Variants in GPC6 observed in about 807,000 individuals in gnomAD.
The protein encoded by GPC6 is glypican-6.
Under a neutral mutation model 55.2 loss-of-function variants are expected in GPC6, and 14 were observed. That is an observed-to-expected ratio of 0.25 (90% confidence interval 0.17 to 0.40). The LOEUF is 0.40. Among genes scored for constraint, GPC6 ranks in the 10% least tolerant of loss-of-function variants. GPC6 has a pLI of 1.00. For synonymous variants in GPC6, 278 were observed against 259.6 expected, an observed-to-expected ratio of 1.07 and a Z score of -0.68; for missense variants, 641 against 708.5, an observed-to-expected ratio of 0.90 and a Z score of 1.08.
intron 3 of GPC6, among the ~76,000 whole-genome samples, chr13:93,988,541 G>T (rs576433103): frequency 6.6e-6 from 1 of 152,160 alleles, no homozygotes; most frequent in African/African-American, 2.4e-5. Flanking sequence ...CAAGATCAAG[G>T]TGCCAGCACA....
At chr13:93,948,076 T>G (rs1312212601) in intron 3 of GPC6, among the ~76,000 whole-genome samples, 2 of 152,176 alleles carry the variant, frequency 1.3e-5, no homozygotes, top group Non-Finnish European at 2.9e-5. Flanking sequence ...AAATTTAAAT[T>G]AAGAAACAAT....
intron 6 of GPC6, among the ~76,000 whole-genome samples, chr13:94,354,870 GTGA>G (rs918029451): frequency 1.3e-5 from 2 of 152,226 alleles, no homozygotes; most frequent in Non-Finnish European, 2.9e-5. Flanking sequence ...GGGGATGACG[GTGA>G]TGATGATCAT....
intron 4 of GPC6, among the ~76,000 whole-genome samples, chr13:94,240,884 C>T (rs1009802058): frequency 1.3e-5 from 2 of 152,088 alleles, no homozygotes; most frequent in African/African-American, 4.8e-5. Flanking sequence ...GGGTATATTG[C>T]ACAAGGGAAG....
intron 3 of GPC6, among the ~76,000 whole-genome samples, chr13:93,850,742 G>A (rs1258661661): frequency 6.6e-6 from 1 of 151,964 alleles, no homozygotes; most frequent in Non-Finnish European, 1.5e-5. Context: ...GAGATACCTG[G>A]AAGGGAATTC....
chr13:93,992,092 T>C (rs1881336336), intron 3 of GPC6, among the ~76,000 whole-genome samples: 1 of 151,670 alleles, frequency 6.6e-6, no homozygotes, highest in African/African-American at 2.4e-5. Context: ...ACATAATTTA[T>C]ATATGTATAG....
At chr13:93,361,130 G>A (rs1881027005) in intron 1 of GPC6, among the ~76,000 whole-genome samples, 1 of 152,080 alleles carries the variant, frequency 6.6e-6, no homozygotes, top group Non-Finnish European at 1.5e-5. Context: ...CCATGCTTTA[G>A]CCCTAAGCTG....
chr13:94,005,966 A>G (rs1882002429), intron 3 of GPC6, among the ~76,000 whole-genome samples: 1 of 152,188 alleles, frequency 6.6e-6, no homozygotes, highest in African/African-American at 2.4e-5. Context: ...TTGATTTAGA[A>G]ATGCAAAAGA....
intron 2 of GPC6, among the ~76,000 whole-genome samples, chr13:93,802,720 A>C (rs1886416160): frequency 6.6e-6 from 1 of 152,162 alleles, no homozygotes; most frequent in Admixed American, 6.5e-5. Flanking sequence ...TTTACAGAAG[A>C]AAGAAAAGTG....
chr13:93,489,765 CT>C (rs1879886512), intron 1 of GPC6, among the ~76,000 whole-genome samples: 1 of 150,550 alleles, frequency 6.6e-6, no homozygotes, highest in African/African-American at 2.4e-5. Context: ...TGATTTGGCT[CT>C]CTGTCTGTTA....
intron 1 of GPC6, among the ~76,000 whole-genome samples, chr13:93,492,059 A>C (rs959459933): frequency 1.9e-4 from 28 of 144,126 alleles, no homozygotes; most frequent in Admixed American, 9.8e-4. Flanking sequence ...TCTGTGAAGA[A>C]AGTCATTGGT....
At chr13:94,331,804 T>C (rs776769276) in intron 6 of GPC6, among the ~76,000 whole-genome samples, 6 of 152,180 alleles carry the variant, frequency 3.9e-5, no homozygotes, top group Admixed American at 2.0e-4. Flanking sequence ...TTAATTTGGG[T>C]ACCAGTCTTT....
intron 1 of GPC6, among the ~76,000 whole-genome samples, chr13:93,470,829 AT>A (rs1330322957): frequency 2.0e-5 from 3 of 152,104 alleles, no homozygotes; most frequent in Non-Finnish European, 4.4e-5. Context: ...AAATCGGATG[AT>A]AAATGTTATC....
At chr13:94,054,369 A>T (rs1884059310) in intron 4 of GPC6, among the ~76,000 whole-genome samples, 1 of 152,170 alleles carries the variant, frequency 6.6e-6, no homozygotes. Context: ...ATTCATTTAG[A>T]TCAGTGGAGT....
intron 2 of GPC6, chr13:93,818,721 C>A (rs139773793): frequency 4.6e-5 from 7 of 152,180 alleles, no homozygotes; most frequent in Non-Finnish European, 7.3e-5. Context: ...GTGTTCCTCA[C>A]ATACTGTTGA....
intron 3 of GPC6, among the ~76,000 whole-genome samples, chr13:93,874,346 A>C (rs1236064668): frequency 6.6e-6 from 1 of 151,832 alleles, no homozygotes; most frequent in Non-Finnish European, 1.5e-5. Flanking sequence ...AACGGCCTCC[A>C]GCTCCATCCA....
chr13:94,203,361 A>G (rs1889812983), intron 4 of GPC6, among the ~76,000 whole-genome samples: 1 of 152,004 alleles, frequency 6.6e-6, no homozygotes, highest in African/African-American at 2.4e-5. Flanking sequence ...ATATATAATT[A>G]TTGTGAGTAG....
At chr13:93,378,817 G>A (rs1875033214) in intron 1 of GPC6, among the ~76,000 whole-genome samples, 1 of 151,892 alleles carries the variant, frequency 6.6e-6, no homozygotes, top group South Asian at 2.1e-4. Context: ...CCAACATGGT[G>A]AAACCCTGTC....
At chr13:94,172,689 C>T (rs1888614878) in intron 4 of GPC6, among the ~76,000 whole-genome samples, 1 of 152,130 alleles carries the variant, frequency 6.6e-6, no homozygotes, top group South Asian at 2.1e-4. Flanking sequence ...ATAAATCTTG[C>T]TTTTAGGAAA....
At position 94,215,866 on chromosome 13, in the gene GPC6, G is replaced by C. The variant is rs184447274; in HGVS notation, c.878-70483G>C. 2.6e-5 allele frequency among the ~76,000 whole-genome samples: 4 copies of C among 152,174 alleles called. No homozygotes were observed. The East Asian group carries it at 7.7e-4, about 29-fold the overall frequency. ...AATCTGGAAAACATCAAAAAGAAAA[G>C]GGGTACATTTAACTTCGTTAATAGT... On this transcript the variant is annotated intron_variant, in intron 4 of 8. Transcript: ENST00000377047.
Sources: allele counts gnomAD v4.1 joint callset (sites outside exome capture counted in the v4.1 genomes callset), GRCh38; gene constraint gnomAD v4.1.1; transcripts MANE v1.5; gene names NCBI Gene and HGNC (gene_info 2026-07-23, HGNC 2026-07-21).